The following TRAK1 variants were observed in gnomAD, a reference collection of about 807,000 sequenced individuals.
TRAK1 encodes the protein trafficking kinesin protein 1.
Under a neutral mutation model 92.1 loss-of-function variants are expected in TRAK1, and 33 were observed. The observed-to-expected ratio is 0.36, with a 90% CI of 0.27 to 0.48. The LOEUF is 0.48. Ranked by LOEUF, TRAK1 falls within the 20% of genes least tolerant of loss-of-function variation. The pLI is 0.99. For missense variants in TRAK1, 1,123 were observed against 1,257.9 expected, an observed-to-expected ratio of 0.89 and a Z score of 1.62; for synonymous variants, 521 against 517.3, an observed-to-expected ratio of 1.01 and a Z score of -0.10.
intron 2 of TRAK1, among the ~76,000 whole-genome samples, chr3:42,154,754 G>A (rs1700352427): frequency 6.6e-6 from 1 of 152,130 alleles, no homozygotes; most frequent in Admixed American, 6.5e-5. Context: ...TAAATTGTAT[G>A]AGCAAGGTCT....
At chr3:42,150,672 A>G (rs534481490) in intron 2 of TRAK1, among the ~76,000 whole-genome samples, 29 of 152,306 alleles carry the variant, frequency 1.9e-4, no homozygotes, top group African/African-American at 7.0e-4. Flanking sequence ...GAAAAACTAC[A>G]TAATTATCTC....
chr3:42,089,386 TGA>T (rs1202031008), upstream of TRAK1, among the ~76,000 whole-genome samples: 1 of 152,152 alleles, frequency 6.6e-6, no homozygotes, highest in Non-Finnish European at 1.5e-5. Context: ...CGCTCAACCA[TGA>T]GAGTTGGCTT....
At chr3:42,121,328 C>T (rs1228785185) in intron 1 of TRAK1, among the ~76,000 whole-genome samples, 10 of 147,884 alleles carry the variant, frequency 6.8e-5, no homozygotes, top group African/African-American at 2.0e-4. Flanking sequence ...GGCGCAGTCT[C>T]GGCTCACTGC....
intron 2 of TRAK1, among the ~76,000 whole-genome samples, chr3:42,130,622 A>G (rs554328229): frequency 1.1e-4 from 16 of 152,146 alleles, no homozygotes; most frequent in African/African-American, 3.9e-4. Flanking sequence ...TAACCCAAGG[A>G]CTTTGCACTG....
chr3:42,089,280 T>G (rs1233415509), upstream of TRAK1, among the ~76,000 whole-genome samples: 7 of 152,216 alleles, frequency 4.6e-5, no homozygotes, highest in Admixed American at 1.3e-4. Flanking sequence ...CAGCATTTAC[T>G]GTGTCCCAGC....
chr3:42,050,131 C>T (rs1251952013), intron 1 of TRAK1, among the ~76,000 whole-genome samples: 1 of 150,384 alleles, frequency 6.6e-6, no homozygotes, highest in African/African-American at 2.5e-5. Flanking sequence ...CCCTCCAGTC[C>T]CCTGCTTGGC....
intron 14 of TRAK1, chr3:42,218,041 TGCCATGGGA>T: frequency 2.0e-6 from 2 of 985,306 alleles, no homozygotes; most frequent in Non-Finnish European, 2.4e-6. Flanking sequence ...TCACGTCAGG[TGCCATGGGA>T]GCCTGCTTTG....
At chr3:42,205,100 CAG>C (rs1708176688) in intron 13 of TRAK1, among the ~76,000 whole-genome samples, 2 of 152,160 alleles carry the variant, frequency 1.3e-5, no homozygotes, top group African/African-American at 4.8e-5. Context: ...TGATAGCCAT[CAG>C]ACCAGACTGT....
intron 1 of TRAK1, among the ~76,000 whole-genome samples, chr3:42,065,852 A>G (rs1703654709): frequency 2.0e-5 from 3 of 151,414 alleles, no homozygotes; most frequent in Non-Finnish European, 2.9e-5. Context: ...CTGGTCTCCA[A>G]CTCCTGGGCT....
At chr3:42,168,076 A>C (rs1297895482) in intron 2 of TRAK1, among the ~76,000 whole-genome samples, 3 of 152,204 alleles carry the variant, frequency 2.0e-5, no homozygotes, top group Non-Finnish European at 2.9e-5. Flanking sequence ...AAAGAGTTCA[A>C]AGTCAAATTC....
At chr3:42,071,346 A>G (rs1032049889) in intron 1 of TRAK1, among the ~76,000 whole-genome samples, 9 of 152,108 alleles carry the variant, frequency 5.9e-5, no homozygotes, top group African/African-American at 2.2e-4. Context: ...TTGGGTGGAT[A>G]AGGTTCATTC....
intron 1 of TRAK1, among the ~76,000 whole-genome samples, chr3:42,055,797 G>A (rs1266759058): frequency 6.6e-6 from 1 of 152,020 alleles, no homozygotes; most frequent in Non-Finnish European, 1.5e-5. Flanking sequence ...TTCTTCACCC[G>A]CAAAAGAAAC....
At chr3:42,053,656 G>A (rs542300347) in intron 1 of TRAK1, among the ~76,000 whole-genome samples, 3 of 152,202 alleles carry the variant, frequency 2.0e-5, no homozygotes, top group East Asian at 1.9e-4. Flanking sequence ...GGACCTGCCC[G>A]AGCCAAGTCC....
chr3:42,136,958 C>T (rs1459847411), intron 2 of TRAK1, among the ~76,000 whole-genome samples: 2 of 152,088 alleles, frequency 1.3e-5, no homozygotes, highest in Non-Finnish European at 2.9e-5. Context: ...GGATTACAGG[C>T]GTGAGCTACC....
At chr3:42,098,643 G>T (rs924140849) in intron 1 of TRAK1, among the ~76,000 whole-genome samples, 3 of 152,148 alleles carry the variant, frequency 2.0e-5, no homozygotes, top group African/African-American at 7.2e-5. Context: ...AGGTGGTTTT[G>T]CCCTAATTTA....
intron 1 of TRAK1, among the ~76,000 whole-genome samples, chr3:42,055,136 C>CCT (rs1212605886): frequency 6.6e-6 from 1 of 151,540 alleles, no homozygotes; most frequent in African/African-American, 2.4e-5. Flanking sequence ...GCCAGGCTGG[C>CCT]CTCAAACTCC....
chr3:42,223,425 T>A lies in TRAK1; in HGVS notation c.2550T>A (p.Phe850Leu), dbSNP rs774143301. 6.2e-7 allele frequency: 1 copy of A among 1,614,058 alleles called. No homozygotes were observed. The highest frequency in any genetic ancestry group is 1.3e-5 in the African/African-American group (1 of 75,032). ...NLNLVDKVRRFGVAKVVNSGR... is the reference protein window; with the variant it reads ...NLNLVDKVRRLGVAKVVNSGR... The stretch of plus-strand genomic sequence containing the variant: ...ACCTCGTGGACAAAGTCAGGAGGTT[T>A]GGGGTGGCCAAAGTGGTGAACTCAG... The change falls in exon 16 of 16, where the codon TTT becomes TTA. Residue 850 changes from phenylalanine (F) to leucine (L), a missense_variant. Around this residue, in one of 3 missense-constraint regions of TRAK1, gnomAD observed 401 missense variants for 438.9 expected, o/e 0.91. Transcript: ENST00000327628. This position sits in a 1 kb window ranked among gnomAD's most constrained non-coding sequence, Gnocchi z 6.1.
At chr3:42,045,696 G>A (rs1440582941) in intron 1 of TRAK1, among the ~76,000 whole-genome samples, 1 of 152,172 alleles carries the variant, frequency 6.6e-6, no homozygotes, top group African/African-American at 2.4e-5. Flanking sequence ...GGAGTAGGGG[G>A]CATTTGCTGG....
intron 6 of TRAK1, among the ~76,000 whole-genome samples, chr3:42,190,261 T>C (rs1165460993): frequency 6.6e-6 from 1 of 152,194 alleles, no homozygotes; most frequent in Non-Finnish European, 1.5e-5. Flanking sequence ...AGGTTGGAGC[T>C]GTGTGCCCAC....
Sources: allele counts gnomAD v4.1 joint callset (sites outside exome capture counted in the v4.1 genomes callset), GRCh38; gene constraint gnomAD v4.1.1; regional missense constraint gnomAD v4.1.1; non-coding constraint Gnocchi (gnomAD v3.1); transcripts MANE v1.5; gene names NCBI Gene and HGNC (gene_info 2026-07-23, HGNC 2026-07-21).